Variants in NEMF observed in about 807,000 individuals in gnomAD.
The protein encoded by NEMF is nuclear export mediator factor, also known as ribosome quality control complex subunit NEMF.
A neutral mutation model predicts 162.2 loss-of-function variants in NEMF; 89 were observed. That is an observed-to-expected ratio of 0.55 (90% CI 0.46 to 0.65). The LOEUF (loss-of-function observed/expected upper bound fraction) is 0.65. NEMF is among the 30% of genes least tolerant of loss of function. The pLI, the probability that NEMF is intolerant of heterozygous loss-of-function variation, is 0.00. For synonymous variants in NEMF, 421 were observed against 404.5 expected (o/e 1.04, Z -0.49); for missense variants, 1,133 against 1,261.9 (o/e 0.90, Z 1.55).
At chr14:49,832,347 T>C in intron 8 of NEMF, 70 bp from the exon 9 acceptor site, 1 of 777,676 alleles carries the variant, frequency 1.3e-6, no homozygotes, top group Non-Finnish European at 2.0e-6. Flanking sequence ...TTTTTTTTTT[T>C]GATACAGTCG....
Position 49,784,286 on chromosome 14 carries a change from C to G in NEMF, c.*350G>C, listed in dbSNP as rs1416698832. 1 of 174,774 alleles carries G rather than the reference C, an allele frequency of 5.7e-6. No individual in the cohort carries two copies. Among genetic ancestry groups the G allele is most frequent in the Non-Finnish European group, 1.2e-5 (1 of 84,136 alleles). 10.8% of individuals were successfully genotyped at this position (174,774 alleles called of 1,614,324 possible). On this transcript the variant is annotated 3_prime_UTR_variant, in exon 33 of 33. Transcript: ENST00000298310. ...TAGATGTTATATACAGTAGACTTAC[C>G]AAGTCAATAGTTTAAGCAATCAAGC...
chr14:49,824,859 AAG>A, intron 16 of NEMF, among the ~76,000 whole-genome samples: 1 of 152,332 alleles, frequency 6.6e-6, no homozygotes, highest in South Asian at 2.1e-4. Flanking sequence ...AGATCCAGAA[AAG>A]AGTTTCCAAA....
rs374009933 is a variant in NEMF, at chr14:49,785,268, A to C, written c.2981T>G (p.Leu994Arg). The C allele has an allele frequency of 8.1e-6, 13 of 1,613,980 alleles. No individual in the cohort carries two copies. In the African/African-American group the frequency reaches 1.6e-4, roughly 20 times the overall value. ...TGQPHPEDVL[L>R]FAIPICAPYT... is the part of the protein sequence containing the mutation. ...AGGGGCACATATTGGAATGGCAAAC[A>C]GTAGTACATCTTCAGGATGTGGCTG... The change falls in exon 30 of 33, where the codon CTG (leucine) becomes CGG (arginine). Residue 994 changes from leucine (L) to arginine (R), a missense_variant. Leu to Arg is a moderately radical substitution (Grantham distance 102, BLOSUM62 -2). Around this residue, in one of 3 missense-constraint regions of NEMF, gnomAD observed 532 missense variants for 578.6 expected, o/e 0.92. Coordinates refer to ENST00000298310, the MANE Select transcript of NEMF (RefSeq NM_004713.6).
rs770299194 is a variant in NEMF, at chr14:49,838,129, G to A, written c.574+10C>T. The A allele has an allele frequency of 3.1e-6, 5 of 1,600,196 alleles. No homozygotes were observed. Among genetic ancestry groups the A allele is most frequent in the Non-Finnish European group, 4.3e-6 (5 of 1,169,102 alleles). ...GCAAACATTTCACTGCTATTTGCAG[G>A]AATACTCACGAAGTAATGGGTTAAG... On this transcript the variant is annotated intron_variant, in intron 6 of 32. Coordinates refer to ENST00000298310, the MANE Select transcript of NEMF (RefSeq NM_004713.6).
chr14:49,827,341 C>T (rs1892406276), intron 15 of NEMF, among the ~76,000 whole-genome samples: 1 of 152,134 alleles, frequency 6.6e-6, no homozygotes, highest in African/African-American at 2.4e-5. Flanking sequence ...TACCCGCCAT[C>T]ACCTCAGGCT....
At chr14:49,838,272 ATAC>A in intron 5 of NEMF, 66 bp from the exon 6 acceptor site, 1 of 1,271,400 alleles carries the variant, frequency 7.9e-7, no homozygotes, top group Non-Finnish European at 1.1e-6. Context: ...CTTCATATTA[ATAC>A]TACTTTCATC....
intron 23 of NEMF, among the ~76,000 whole-genome samples, chr14:49,800,215 T>C (rs906526755): frequency 6.6e-6 from 1 of 152,196 alleles, no homozygotes. Flanking sequence ...TATTTGGATC[T>C]AGTTTGGCCA....
In NEMF at chr14:49,783,436, A is replaced by G. The variant is rs1890009996; in HGVS notation, c.*1200T>C. 1 of 152,340 alleles carries G rather than the reference A, an allele frequency of 6.6e-6. No homozygotes were observed. The highest frequency in any genetic ancestry group is 1.5e-5 in the Non-Finnish European group (1 of 68,176). The allele number at this position is 152,340 out of a possible 1,614,324, so 9.4% of individuals were successfully genotyped here. ...GGAAAAACAAAGTGTGGAGGGACCA[A>G]CAACTGTTCAGTACTTTGACCTTAA... is the stretch of plus-strand genomic sequence containing the variant. On this transcript the variant is annotated 3_prime_UTR_variant, in exon 33 of 33. Transcript: ENST00000298310.
rs1176966525 is a variant in NEMF, at chr14:49,803,261, T to C, written c.1891A>G (p.Thr631Ala). ...SKTAPTGEYL[T>A]TGSFMIRGKK... Reference sequence around the variant, plus strand: ...CCTCTTATCATGAAGCTTCCTGTTGTCAAATATTCTCCAGTTGGTGCTGTT... The same window carrying C: ...CCTCTTATCATGAAGCTTCCTGTTGCCAAATATTCTCCAGTTGGTGCTGTT... The change falls in exon 20 of 33, where the codon ACA (threonine) becomes GCA (alanine). Residue 631 changes from threonine to alanine, a missense_variant. Thr to Ala is a moderately conservative substitution (Grantham distance 58, BLOSUM62 0). Transcript: ENST00000298310. 1.2e-6 allele frequency: 2 copies of C among 1,610,188 alleles called. No individual in the cohort carries two copies. The highest frequency in any genetic ancestry group is 2.2e-5 in the South Asian group (2 of 90,984).
At chr14:49,824,324 C>CACG (rs1486094204) in intron 16 of NEMF, among the ~76,000 whole-genome samples, 1 of 151,976 alleles carries the variant, frequency 6.6e-6, no homozygotes, top group Non-Finnish European at 1.5e-5. Context: ...GCGGGTGGAA[C>CACG]ACGAGGTCAG....
At chr14:49,843,729 G>C (rs1180562407) in intron 4 of NEMF, among the ~76,000 whole-genome samples, 2 of 152,178 alleles carry the variant, frequency 1.3e-5, no homozygotes, top group Non-Finnish European at 2.9e-5. Flanking sequence ...GTAGTCAACT[G>C]TAATACAATA....
chr14:49,837,503 T>G (rs1356091690), intron 6 of NEMF, among the ~76,000 whole-genome samples: 1 of 151,680 alleles, frequency 6.6e-6, no homozygotes, highest in Non-Finnish European at 1.5e-5. Flanking sequence ...ACAAAAAAAA[T>G]AAATTAAAAA....
chr14:49,815,985 C>A (rs1891697839), intron 16 of NEMF, among the ~76,000 whole-genome samples: 1 of 151,968 alleles, frequency 6.6e-6, no homozygotes, highest in African/African-American at 2.4e-5. Flanking sequence ...AAATAAAAAA[C>A]AAAAAATATA....
chr14:49,811,875 A>T (rs1891496493), intron 18 of NEMF, among the ~76,000 whole-genome samples: 1 of 152,138 alleles, frequency 6.6e-6, no homozygotes, highest in Non-Finnish European at 1.5e-5. Context: ...TATATTTATA[A>T]CCGGTATTGG....
At chr14:49,809,132 A>C (rs1390444758) in intron 18 of NEMF, among the ~76,000 whole-genome samples, 1 of 152,156 alleles carries the variant, frequency 6.6e-6, no homozygotes, top group Non-Finnish European at 1.5e-5. Flanking sequence ...TTCTTACAAA[A>C]CTAAAAATAC....
At chr14:49,813,629 C>T (rs1891581220) in intron 18 of NEMF, among the ~76,000 whole-genome samples, 1 of 151,526 alleles carries the variant, frequency 6.6e-6, no homozygotes, top group African/African-American at 2.4e-5. Flanking sequence ...CTTGATAAGA[C>T]TGATCCTTTT....
rs139969691 is a variant in NEMF, at chr14:49,798,325, T to C, written c.2465+1150A>G. Among the ~76,000 whole-genome samples, 868 of 152,356 alleles carry C rather than the reference T, an allele frequency of 5.7e-3. 4 individuals carry two copies. Among genetic ancestry groups the C allele is most frequent in the Non-Finnish European group, 9.1e-3 (620 of 68,034 alleles). ...TTTTCACTTTGCAAATAATCCTTGA[T>C]TTAACCCACTACCACTACAACTGCC... On this transcript the variant is annotated intron_variant, in intron 25 of 32. Transcript: ENST00000298310.
intron 6 of NEMF, among the ~76,000 whole-genome samples, chr14:49,836,650 CAGA>C (rs1279907857): frequency 6.6e-6 from 1 of 151,328 alleles, no homozygotes; most frequent in Admixed American, 6.6e-5. Flanking sequence ...TTGGGAAATG[CAGA>C]AGATCTTTTG....
rs770808083 is a variant in NEMF at position 49,829,102 on chromosome 14, G to A, written c.1184C>T (p.Ala395Val). The A allele has an allele frequency of 1.2e-6, 2 of 1,614,120 alleles. No individual in the cohort carries two copies. The highest frequency in any genetic ancestry group is 1.7e-6 in the Non-Finnish European group (2 of 1,180,014). Reference protein sequence around the residue: ...AQAQGDPVASAIKELKLQTNH... With the variant: ...AQAQGDPVASVIKELKLQTNH... Reference sequence around the variant, plus strand: ...TGTTTGTAGTTTTAATTCTTTGATTGCACTTGCAACAGGGTCTCCTTGAGC... The same window carrying A: ...TGTTTGTAGTTTTAATTCTTTGATTACACTTGCAACAGGGTCTCCTTGAGC... Residue 395 changes from alanine to valine, a missense_variant, in exon 13 of 33, where the codon GCA becomes GTA. By Grantham distance (64) the Ala-to-Val change is moderately conservative. Transcript: ENST00000298310.
Sources: gnomAD v4.1 joint callset for allele counts (sites outside exome capture counted in the v4.1 genomes callset) on GRCh38, gnomAD v4.1.1 for gene constraint, gnomAD v4.1.1 regional missense constraint, MANE v1.5 for transcripts, NCBI Gene and HGNC (gene_info 2026-07-23, HGNC 2026-07-21) for gene names.